Variants in HPSE2 observed in about 807,000 individuals in gnomAD.
HPSE2 encodes heparanase 2 (inactive).
A neutral mutation model predicts 60.5 loss-of-function variants in HPSE2; 38 were observed. The observed-to-expected ratio is 0.63, with a 90% CI of 0.48 to 0.82. The LOEUF is 0.82. Among genes scored for constraint, HPSE2 ranks in the 40% least tolerant of loss-of-function variants. The pLI, the probability that HPSE2 is intolerant of heterozygous loss-of-function variation, is 0.00. For missense variants in HPSE2, 713 were observed against 740.4 expected (o/e 0.96, Z 0.43); for synonymous variants, 295 against 293.2 (o/e 1.01, Z -0.06).
At chr10:99,305,979 G>GCGCGCACACACACACACACACA in the HPSE2 span, among the ~76,000 whole-genome samples, 156 of 80,532 alleles carry the variant, frequency 1.9e-3, 1 homozygote, top group African/African-American at 2.6e-3. Flanking sequence ...GCGCGCGCGC[G>GCGCGCACACACACACACACACA]CACACACACA....
rs545174877 is a variant in HPSE2 at position 98,962,847 on chromosome 10, T to C, written c.610+181391A>G. Among the ~76,000 whole-genome samples, 42 of 151,862 alleles carry C rather than the reference T, an allele frequency of 2.8e-4. No individual in the cohort carries two copies. The South Asian group carries it at 7.9e-3, about 29-fold the overall frequency. ...CCATTCACAATTGCTTCAAAGAGAA[T>C]AAAATACCTAGGAATCCAACTTACA... On this transcript the variant is annotated intron_variant, in intron 3 of 11. Transcript: ENST00000370552.
rs1955888459 is a variant in HPSE2, at chr10:98,969,187, T to C, written c.610+175051A>G. Among the ~76,000 whole-genome samples the C allele has an allele frequency of 2.0e-5, 3 of 152,274 alleles. No individual in the cohort carries two copies. The South Asian group carries it at 6.2e-4, about 32-fold the overall frequency. Reference sequence around the variant, plus strand: ...ATGAGACTCGTGTCTGGTCATCTCATTCCTCACACAATCACTTCTCAAGGC... The same window carrying C: ...ATGAGACTCGTGTCTGGTCATCTCACTCCTCACACAATCACTTCTCAAGGC... On this transcript the variant is annotated intron_variant, in intron 3 of 11. Coordinates refer to ENST00000370552, the MANE Select transcript of HPSE2 (RefSeq NM_021828.5).
At chr10:99,315,362 A>T in the HPSE2 span, among the ~76,000 whole-genome samples, 3 of 152,234 alleles carry the variant, frequency 2.0e-5, no homozygotes, top group Non-Finnish European at 4.4e-5. Flanking sequence ...TAATTGAAGA[A>T]GATGCTAACA....
At chr10:99,185,633 G>T (rs1847976306) in intron 2 of HPSE2, among the ~76,000 whole-genome samples, 1 of 151,916 alleles carries the variant, frequency 6.6e-6, no homozygotes, top group African/African-American at 2.4e-5. Context: ...AATTAGCCGG[G>T]CGTAGTGGCG....
At chr10:98,984,605 G>A (rs1177073327) in intron 3 of HPSE2, among the ~76,000 whole-genome samples, 7 of 152,212 alleles carry the variant, frequency 4.6e-5, no homozygotes, top group Admixed American at 3.9e-4. Flanking sequence ...ACAAAGGAAC[G>A]CAGGTCCTCA....
At chr10:98,847,400 A>G (rs1565206763) in intron 3 of HPSE2, among the ~76,000 whole-genome samples, 1 of 152,238 alleles carries the variant, frequency 6.6e-6, no homozygotes, top group Non-Finnish European at 1.5e-5. Context: ...TTGATAGAGA[A>G]GGGAATTAAC....
rs56790052 is a variant in HPSE2, at chr10:98,864,804, G to T, written c.611-120748C>A. Among the ~76,000 whole-genome samples, 602 of 152,150 alleles carry T rather than the reference G, an allele frequency of 4.0e-3. 8 individuals carry two copies. Among genetic ancestry groups the T allele is most frequent in the African/African-American group, 0.014 (581 of 41,526 alleles). On this transcript the variant is annotated intron_variant, in intron 3 of 11. Transcript: ENST00000370552. ...TGCAAAGTTTTGCTGGCTTGGTATA[G>T]AATAATCTTTCAGTATTATTGATCA...
Position 98,743,873 on chromosome 10 carries a change from C to G in HPSE2, c.784+10G>C, listed in dbSNP as rs868838020. 3.1e-6 allele frequency: 5 copies of G among 1,608,746 alleles called. No individual in the cohort carries two copies. Among genetic ancestry groups the G allele is most frequent in the Middle Eastern group, 1.7e-4 (1 of 6,052 alleles). On this transcript the variant is annotated intron_variant, in intron 4 of 11. Coordinates refer to ENST00000370552, the MANE Select transcript of HPSE2 (RefSeq NM_021828.5). Reference sequence around the variant, plus strand: ...TTTGTCAATTCAGAGGAAGTAACATCCTTACTTACCATTACCCAGTTCCCA... The same window carrying G: ...TTTGTCAATTCAGAGGAAGTAACATGCTTACTTACCATTACCCAGTTCCCA...
At chr10:98,844,901 C>A (rs1008736437) in intron 3 of HPSE2, among the ~76,000 whole-genome samples, 3 of 151,946 alleles carry the variant, frequency 2.0e-5, no homozygotes, top group Non-Finnish European at 4.4e-5. Context: ...ATTGAAAATC[C>A]CAACCTCCTT....
intron 2 of HPSE2, among the ~76,000 whole-genome samples, chr10:99,184,630 AT>A (rs1847907195): frequency 6.7e-6 from 1 of 148,894 alleles, no homozygotes; most frequent in Non-Finnish European, 1.5e-5. Context: ...GAGAGTAATA[AT>A]GAGAACTATA....
intron 3 of HPSE2, among the ~76,000 whole-genome samples, chr10:98,972,255 T>C (rs1049046735): frequency 6.6e-6 from 1 of 152,138 alleles, no homozygotes. Flanking sequence ...TGTATTCTTG[T>C]TGATTCTAGG....
Position 98,489,434 on chromosome 10 carries a change from G to T in HPSE2, c.1466+617C>A, listed in dbSNP as rs144634581. 4.9e-3 allele frequency among the ~76,000 whole-genome samples: 751 copies of T among 152,282 alleles called. 9 individuals are homozygous for T. Among genetic ancestry groups the T allele is most frequent in the African/African-American group, 0.017 (704 of 41,544 alleles). The stretch of plus-strand genomic sequence containing the variant: ...CCCCACACTACCACATTAGGTTGTT[G>T]TCCAGAGCCCTCAGAAAAGGAAGCC... On this transcript the variant is annotated intron_variant, in intron 10 of 11. Coordinates refer to ENST00000370552, the MANE Select transcript of HPSE2 (RefSeq NM_021828.5).
intron 3 of HPSE2, among the ~76,000 whole-genome samples, chr10:99,078,905 T>C (rs900324766): frequency 2.0e-5 from 3 of 152,162 alleles, no homozygotes; most frequent in Non-Finnish European, 4.4e-5. Flanking sequence ...TCTTTGCTCT[T>C]AGCCACCCTT....
chr10:98,944,590 T>A (rs1955124668), intron 3 of HPSE2, among the ~76,000 whole-genome samples: 1 of 152,128 alleles, frequency 6.6e-6, no homozygotes, highest in African/African-American at 2.4e-5. Context: ...TCAGTAATTG[T>A]TTACTGAGTA....
intron 7 of HPSE2, among the ~76,000 whole-genome samples, chr10:98,626,161 ATTAC>A (rs1296973428): frequency 2.1e-4 from 32 of 152,126 alleles, no homozygotes; most frequent in African/African-American, 7.5e-4. Context: ...AAGTAAGAAA[ATTAC>A]TTACCCAATT....
chr10:98,477,257 A>C (rs1162752127), intron 11 of HPSE2, among the ~76,000 whole-genome samples: 1 of 152,236 alleles, frequency 6.6e-6, no homozygotes, highest in Non-Finnish European at 1.5e-5. Flanking sequence ...TTATCTATAA[A>C]GTTGCAGCCA....
intron 7 of HPSE2, among the ~76,000 whole-genome samples, chr10:98,633,940 A>T (rs1946430397): frequency 6.6e-6 from 1 of 152,206 alleles, no homozygotes; most frequent in East Asian, 1.9e-4. Flanking sequence ...AGAATGAAAG[A>T]TTGTTCACTC....
chr10:99,207,924 T>G (rs1848816377), intron 2 of HPSE2, among the ~76,000 whole-genome samples: 1 of 151,388 alleles, frequency 6.6e-6, no homozygotes, highest in African/African-American at 2.4e-5. Context: ...ATACCTATGA[T>G]AAAGTTTAAT....
chr10:98,735,253 T>C lies in HPSE2; in HGVS notation c.784+8630A>G, dbSNP rs1589733396. 3.3e-3 allele frequency among the ~76,000 whole-genome samples: 2 copies of C among 602 alleles called. 1 individual carries two copies. The highest frequency in any genetic ancestry group is 0.038 in the Non-Finnish European group (2 of 52). The allele number at this position is 602 out of a possible 152,430, so 0.4% of individuals were successfully genotyped here. ...CGAAAGCAAGTTTGAAACCTGTTGCTCCAGAAGGTGCAAGCCCCAAGCCTT... is the reference window on the plus strand; with the variant it reads ...CGAAAGCAAGTTTGAAACCTGTTGCCCCAGAAGGTGCAAGCCCCAAGCCTT... On this transcript the variant is annotated intron_variant, in intron 4 of 11. Coordinates refer to ENST00000370552, the MANE Select transcript of HPSE2 (RefSeq NM_021828.5).
Sources: allele counts gnomAD v4.1 joint callset (sites outside exome capture counted in the v4.1 genomes callset), GRCh38; gene constraint gnomAD v4.1.1; transcripts MANE v1.5; gene names NCBI Gene and HGNC (gene_info 2026-07-23, HGNC 2026-07-21).